The following TRIM2 variants were observed in gnomAD, a reference collection of about 807,000 sequenced individuals.
TRIM2 encodes the protein tripartite motif-containing protein 2.
In TRIM2, 20 loss-of-function variants were observed where a neutral mutation model predicts 75.2. The ratio of observed to expected loss-of-function variants is 0.27; its 90% CI spans 0.19 to 0.39. TRIM2 has a LOEUF of 0.39. Among genes scored for constraint, TRIM2 ranks in the 10% least tolerant of loss-of-function variants. The probability of loss-of-function intolerance (pLI) is 1.00; values close to 1 mark genes in which losing one functional copy is unlikely to be tolerated. For synonymous variants in TRIM2, 373 were observed against 388.3 expected, an observed-to-expected ratio of 0.96 and a Z score of 0.46; for missense variants, 660 against 990.8, an observed-to-expected ratio of 0.67 and a Z score of 4.48.
chr4:153,267,701 C>A (rs1755610394), intron 1 of TRIM2, among the ~76,000 whole-genome samples: 1 of 152,136 alleles, frequency 6.6e-6, no homozygotes, highest in East Asian at 1.9e-4. Flanking sequence ...TGACCTCCTG[C>A]CTAGGGTCAT....
chr4:153,199,863 T>C (rs1005571062), upstream of TRIM2, among the ~76,000 whole-genome samples: 2 of 151,992 alleles, frequency 1.3e-5, no homozygotes, highest in East Asian at 1.9e-4. Context: ...AGCCTAAAAT[T>C]CCTGTTCTCA....
intron 1 of TRIM2, among the ~76,000 whole-genome samples, chr4:153,241,656 G>A (rs561969925): frequency 3.3e-5 from 5 of 152,212 alleles, no homozygotes; most frequent in East Asian, 1.9e-4. Context: ...TAGGAGGAGC[G>A]GGAACCTTGC....
At position 153,335,458 on chromosome 4, in the gene TRIM2, G is replaced by A; in HGVS notation, c.*492G>A. On this transcript the variant is annotated 3_prime_UTR_variant, in exon 12 of 12. Coordinates refer to ENST00000338700, the MANE Select transcript of TRIM2 (RefSeq NM_015271.5). Reference sequence around the variant, plus strand: ...GTATTACTCTTGTGACATTTTTTTGGTTATCAACAACTAAATATAAATTAC... The same window carrying A: ...GTATTACTCTTGTGACATTTTTTTGATTATCAACAACTAAATATAAATTAC... 2 of 985,228 alleles carry A rather than the reference G, an allele frequency of 2.0e-6. No homozygotes were observed. The highest frequency in any genetic ancestry group is 9.4e-5 in the South Asian group (2 of 21,288). The allele number at this position is 985,228 out of a possible 1,614,324, so 61.0% of individuals were successfully genotyped here. A position where few individuals can be genotyped will look rare whatever the true frequency, so the allele number is the denominator to read the frequency against.
At chr4:153,189,979 A>T (rs918156961) in intron 1 of TRIM2, among the ~76,000 whole-genome samples, 1 of 152,236 alleles carries the variant, frequency 6.6e-6, no homozygotes, top group African/African-American at 2.4e-5. Flanking sequence ...ATTAATATTT[A>T]TGTAGATTTG....
At chr4:153,286,866 T>C (rs1229051581) in intron 3 of TRIM2, among the ~76,000 whole-genome samples, 1 of 152,144 alleles carries the variant, frequency 6.6e-6, no homozygotes, top group African/African-American at 2.4e-5. Context: ...ATCCAACTTT[T>C]GTCTTAAGTC....
intron 1 of TRIM2, among the ~76,000 whole-genome samples, chr4:153,166,874 A>G (rs762254220): frequency 4.1e-4 from 62 of 152,222 alleles, no homozygotes; most frequent in Non-Finnish European, 1.2e-4. Flanking sequence ...GATTCACTTT[A>G]ATCTCCAGCT....
intron 1 of TRIM2, among the ~76,000 whole-genome samples, chr4:153,191,599 TG>T (rs1218039287): frequency 6.6e-6 from 1 of 152,262 alleles, no homozygotes; most frequent in East Asian, 1.9e-4. Context: ...CCAGATTTTT[TG>T]TTCTTAGGCA....
chr4:153,292,351 A>G (rs896380968), intron 3 of TRIM2, among the ~76,000 whole-genome samples: 5 of 152,232 alleles, frequency 3.3e-5, no homozygotes, highest in African/African-American at 1.2e-4. Context: ...ATTTTCATAA[A>G]TTACATTATT....
In TRIM2 at chr4:153,335,879, A is replaced by G. The variant is rs1772390346; in HGVS notation, c.*913A>G. ...ACCTCCTGCAAATGTCAGCACATGT[A>G]GTAGGACACCAGTATCCTAGGACAG... On this transcript the variant is annotated 3_prime_UTR_variant, in exon 12 of 12. Coordinates refer to ENST00000338700, the MANE Select transcript of TRIM2 (RefSeq NM_015271.5). 2 of 985,884 alleles carry G rather than the reference A, an allele frequency of 2.0e-6. No homozygotes were observed. The highest frequency in any genetic ancestry group is 5.2e-4 in the Middle Eastern group (1 of 1,914). 61.1% of individuals were successfully genotyped at this position (985,884 alleles called of 1,614,324 possible). A position where few individuals can be genotyped will look rare whatever the true frequency, so the allele number is the denominator to read the frequency against.
intron 1 of TRIM2, among the ~76,000 whole-genome samples, chr4:153,240,893 A>G (rs1327497905): frequency 6.6e-6 from 1 of 152,218 alleles, no homozygotes; most frequent in African/African-American, 2.4e-5. Context: ...CCTGATCAAC[A>G]TGGTGAAACC....
chr4:153,224,754 A>G lies in TRIM2; in HGVS notation c.30+20194A>G, dbSNP rs112870099. On this transcript the variant is annotated intron_variant, in intron 1 of 11. Transcript: ENST00000338700. ...CTCACATCTTGAATATTTTTCTTGC[A>G]TCATCATTTTAATGCTGACTTGCAC... Among the ~76,000 whole-genome samples, 716 of 152,332 alleles carry G rather than the reference A, an allele frequency of 4.7e-3. 6 individuals carry two copies. Among genetic ancestry groups the G allele is most frequent in the East Asian group, 0.027 (142 of 5,192 alleles).
chr4:153,206,917 G>A (rs11730013), intron 1 of TRIM2, among the ~76,000 whole-genome samples: 56,701 of 151,474 alleles, frequency 0.37, 11,470 homozygotes, highest in East Asian at 0.7. Context: ...GTCTTGCTCC[G>A]TCACCCAGGC....
upstream of TRIM2, among the ~76,000 whole-genome samples, chr4:153,201,748 A>G (rs1442856749): frequency 6.6e-6 from 1 of 152,178 alleles, no homozygotes; most frequent in Non-Finnish European, 1.5e-5. Context: ...AGTCCAATTT[A>G]TCGATTTTTT....
chr4:153,166,575 T>A (rs1730349754), intron 1 of TRIM2, among the ~76,000 whole-genome samples: 1 of 151,226 alleles, frequency 6.6e-6, no homozygotes, highest in Non-Finnish European at 1.5e-5. Flanking sequence ...AGATGAGGTC[T>A]CACTCCACCA....
chr4:153,295,926 C>A lies in TRIM2; in HGVS notation c.1400C>A (p.Ser467Tyr). Residue 467 changes from serine (S) to tyrosine (Y), a missense_variant, in exon 6 of 12, where the codon TCC (serine) becomes TAC (tyrosine). By Grantham distance (144) the Ser-to-Tyr change is moderately radical (BLOSUM62 -2). Coordinates refer to ENST00000338700, the MANE Select transcript of TRIM2 (RefSeq NM_015271.5). This position sits in a 1 kb window ranked among gnomAD's most constrained non-coding sequence, Gnocchi z 7.2. ...TTEGVKRRVKSPGSGHVKQKA... is the reference protein window; with the variant it reads ...TTEGVKRRVKYPGSGHVKQKA... ...GAAGGCGTGAAGAGGCGCGTTAAGTCCCCGGGGAGCGGCCACGTCAAGCAG... is the reference window on the plus strand; with the variant it reads ...GAAGGCGTGAAGAGGCGCGTTAAGTACCCGGGGAGCGGCCACGTCAAGCAG... 1 of 1,601,916 alleles carries A rather than the reference C, an allele frequency of 6.2e-7. No individual in the cohort carries two copies.
chr4:153,210,955 A>G (rs1736822342), intron 1 of TRIM2, among the ~76,000 whole-genome samples: 1 of 152,152 alleles, frequency 6.6e-6, no homozygotes, highest in Non-Finnish European at 1.5e-5. Flanking sequence ...AAACCCAGAC[A>G]TGCAGGGCAC....
At chr4:153,316,181 T>A (rs1263764109) in intron 8 of TRIM2, among the ~76,000 whole-genome samples, 182 bp downstream of exon 8, 1 of 152,238 alleles carries the variant, frequency 6.6e-6, no homozygotes, top group Non-Finnish European at 1.5e-5. Flanking sequence ...AATCTATTCA[T>A]ATATATCCTA....
upstream of TRIM2, among the ~76,000 whole-genome samples, chr4:153,203,078 C>T (rs1734580940): frequency 7.2e-6 from 1 of 138,124 alleles, no homozygotes; most frequent in African/African-American, 2.7e-5. Flanking sequence ...GCACTCAAGC[C>T]TGGTGACAGA....
intron 1 of TRIM2, among the ~76,000 whole-genome samples, chr4:153,235,083 C>T (rs986061952): frequency 6.6e-6 from 1 of 152,060 alleles, no homozygotes; most frequent in Non-Finnish European, 1.5e-5. Flanking sequence ...AATGCTTGTT[C>T]CACTTTTTTG....
Sources: allele counts gnomAD v4.1 joint callset (sites outside exome capture counted in the v4.1 genomes callset), GRCh38; gene constraint gnomAD v4.1.1; non-coding constraint Gnocchi (gnomAD v3.1); transcripts MANE v1.5; gene names NCBI Gene and HGNC (gene_info 2026-07-23, HGNC 2026-07-21).